SSBP2: variants seen among roughly 807,000 people sequenced by gnomAD.
The protein encoded by SSBP2 is single stranded DNA binding protein 2.
Under a neutral mutation model 61.8 loss-of-function variants are expected in SSBP2, and 17 were observed. That is an observed-to-expected ratio of 0.28 (90% CI 0.19 to 0.41). SSBP2 has a LOEUF of 0.41. Among genes scored for constraint, SSBP2 ranks in the 10% least tolerant of loss-of-function variants. The pLI, the probability that SSBP2 is intolerant of heterozygous loss-of-function variation, is 1.00. For missense variants in SSBP2, 310 were observed against 458.7 expected, an observed-to-expected ratio of 0.68 and a Z score of 2.96; for synonymous variants, 139 against 141.3, an observed-to-expected ratio of 0.98 and a Z score of 0.12.
At chr5:81,435,063 G>A (rs986256661) in intron 15 of SSBP2, among the ~76,000 whole-genome samples, 10 of 152,208 alleles carry the variant, frequency 6.6e-5, no homozygotes, top group Admixed American at 2.6e-4. Context: ...CTGGAGTAGA[G>A]GTGGTGTAGA....
intron 4 of SSBP2, among the ~76,000 whole-genome samples, chr5:81,607,806 A>G (rs1745024389): frequency 1.3e-5 from 2 of 152,182 alleles, no homozygotes; most frequent in South Asian, 2.1e-4. Flanking sequence ...CAGCTTTTGA[A>G]TATCTTAGGT....
At chr5:81,574,155 C>CTGT (rs1191970109) in intron 4 of SSBP2, among the ~76,000 whole-genome samples, 3 of 151,672 alleles carry the variant, frequency 2.0e-5, no homozygotes, top group Non-Finnish European at 4.4e-5. Flanking sequence ...AAAAACAAAA[C>CTGT]AAAACAAAAC....
At chr5:81,555,373 A>G (rs1772514753) in intron 4 of SSBP2, among the ~76,000 whole-genome samples, 1 of 152,072 alleles carries the variant, frequency 6.6e-6, no homozygotes, top group African/African-American at 2.4e-5. Context: ...TTTTTTATGG[A>G]AAGTCATTTT....
intron 2 of SSBP2, among the ~76,000 whole-genome samples, chr5:81,638,244 AAAGTAT>A (rs1748428913): frequency 2.0e-5 from 3 of 152,122 alleles, no homozygotes; most frequent in Non-Finnish European, 4.4e-5. Context: ...CCTAAAACTT[AAAGTAT>A]AATAATAATA....
chr5:81,704,912 T>C, intron 1 of SSBP2, among the ~76,000 whole-genome samples: 1 of 152,054 alleles, frequency 6.6e-6, no homozygotes. Flanking sequence ...ATTTAACGTG[T>C]TAATCTATAT....
At chr5:81,656,677 A>G (rs562349294) in intron 1 of SSBP2, among the ~76,000 whole-genome samples, 1 of 152,044 alleles carries the variant, frequency 6.6e-6, no homozygotes, top group East Asian at 1.9e-4. Flanking sequence ...AGGTAAGAAA[A>G]TGGAAATTCA....
chr5:81,751,571 C>T (rs57303541), upstream of SSBP2: 796 of 66,156 alleles, frequency 0.012, 5 homozygotes, highest in African/African-American at 0.072. Flanking sequence ...GGGGCGCCCG[C>T]CGAGTCCACG....
rs570341314 is a variant in SSBP2 at position 81,708,735 on chromosome 5, T to A, written c.62+42246A>T. ...TGTATGTATGGGCAATGTGTCCCAA[T>A]TGAAGCTGTCTTTTTCAGCTAAAGA... On this transcript the variant is annotated intron_variant, in intron 1 of 16. Transcript: ENST00000320672. Among the ~76,000 whole-genome samples the A allele has an allele frequency of 1.3e-5, 2 of 152,110 alleles. 1 individual carries two copies.
rs370571191 is a variant in SSBP2 at position 81,482,331 on chromosome 5, CT to C, written c.432+6918del. ...TTAAGGTCACCAGTTGTATTACCCCCTAATAAGAGAATCAGCCTGCCCTTTA... is the reference window on the plus strand; with the variant it reads ...TTAAGGTCACCAGTTGTATTACCCCCAATAAGAGAATCAGCCTGCCCTTTA... On this transcript the variant is annotated intron_variant, in intron 6 of 16. Transcript: ENST00000320672. 5.1e-3 allele frequency among the ~76,000 whole-genome samples: 777 copies of C among 152,192 alleles called. 4 individuals carry two copies. The highest frequency in any genetic ancestry group is 0.017 in the African/African-American group (727 of 41,546).
chr5:81,476,013 CTTGACTCGGAT>C, intron 6 of SSBP2, among the ~76,000 whole-genome samples: 1 of 152,072 alleles, frequency 6.6e-6, no homozygotes, highest in East Asian at 1.9e-4. Context: ...TTCCAAATAC[CTTGACTCGGAT>C]TGCCAACTGT....
intron 10 of SSBP2, among the ~76,000 whole-genome samples, chr5:81,454,104 G>C (rs568598025): frequency 3.3e-4 from 51 of 152,278 alleles, no homozygotes; most frequent in African/African-American, 1.2e-3. Context: ...TAAAAAGACA[G>C]GCCAAGGAAT....
At position 81,624,476 on chromosome 5, in the gene SSBP2, G is replaced by A. The variant is rs892462053; in HGVS notation, c.198-8919C>T. On this transcript the variant is annotated intron_variant, in intron 3 of 16. Transcript: ENST00000320672. ...TTCATTATACTTATACTTAGTGGTT[G>A]AGCATCCCAAATCTGAAAATCCAAA... 2.6e-5 allele frequency among the ~76,000 whole-genome samples: 4 copies of A among 152,010 alleles called. No homozygotes were observed. In the South Asian group the frequency reaches 6.2e-4, roughly 24 times the overall value.
chr5:81,452,840 C>A (rs780915888), intron 10 of SSBP2, among the ~76,000 whole-genome samples: 8 of 151,392 alleles, frequency 5.3e-5, no homozygotes, highest in Non-Finnish European at 8.8e-5. Context: ...GAGACCAGGA[C>A]TAAGGATACA....
At chr5:81,685,115 A>G (rs1478654842) in intron 1 of SSBP2, among the ~76,000 whole-genome samples, 1 of 152,078 alleles carries the variant, frequency 6.6e-6, no homozygotes, top group Non-Finnish European at 1.5e-5. Flanking sequence ...CATGTGAAGA[A>G]GGTGCTTGCT....
intron 4 of SSBP2, among the ~76,000 whole-genome samples, chr5:81,585,213 T>A (rs1249131647): frequency 6.6e-6 from 1 of 152,088 alleles, no homozygotes; most frequent in Non-Finnish European, 1.5e-5. Context: ...CAATCCTCCC[T>A]TAGTTACATT....
intron 9 of SSBP2, among the ~76,000 whole-genome samples, chr5:81,462,919 G>A (rs1380031027): frequency 2.0e-5 from 3 of 151,906 alleles, no homozygotes; most frequent in African/African-American, 7.2e-5. Flanking sequence ...GTATGAATAA[G>A]ATGCATAAAT....
intron 10 of SSBP2, among the ~76,000 whole-genome samples, chr5:81,454,861 A>G (rs1172229721): frequency 6.6e-6 from 1 of 152,176 alleles, no homozygotes; most frequent in African/African-American, 2.4e-5. Context: ...AAGAAATTTG[A>G]ATCTAATGGT....
chr5:81,548,036 G>A (rs999448749), intron 4 of SSBP2, among the ~76,000 whole-genome samples: 16 of 152,020 alleles, frequency 1.1e-4, no homozygotes, highest in Non-Finnish European at 1.6e-4. Flanking sequence ...CAATATATAC[G>A]TATCCCAGAA....
intron 6 of SSBP2, among the ~76,000 whole-genome samples, chr5:81,476,775 TATG>T (rs1765619936): frequency 6.6e-6 from 1 of 152,224 alleles, no homozygotes; most frequent in Non-Finnish European, 1.5e-5. Context: ...AACTAACCAC[TATG>T]ATAACTGTCA....
Sources: allele counts gnomAD v4.1 joint callset (sites outside exome capture counted in the v4.1 genomes callset), GRCh38; gene constraint gnomAD v4.1.1; transcripts MANE v1.5; gene names NCBI Gene and HGNC (gene_info 2026-07-23, HGNC 2026-07-21).